The following NEB variants were observed in gnomAD, a reference collection of about 807,000 sequenced individuals.
NEB encodes nemaline myopathy type 2.
A neutral mutation model predicts 952.2 loss-of-function variants in NEB; 512 were observed. The observed-to-expected ratio is 0.54, with a 90% CI of 0.50 to 0.58. The LOEUF is 0.58. Ranked by LOEUF, NEB falls within the 20% of genes least tolerant of loss-of-function variation. The probability of loss-of-function intolerance (pLI) is 0.00; values close to 1 mark genes in which losing one functional copy is unlikely to be tolerated. For synonymous variants in NEB, 2,900 were observed against 3,149.8 expected (o/e 0.92, Z 2.66); for missense variants, 8,428 against 9,231.1 (o/e 0.91, Z 3.56).
At chr2:151,499,423 A>G in intron 168 of NEB, 33 bp from the exon 169 acceptor site, 1 of 1,289,402 alleles carries the variant, frequency 7.8e-7, no homozygotes, top group Non-Finnish European at 1.1e-6. Context: ...CAGAAAAAAC[A>G]AGAGCAGTCA....
At chr2:151,553,790 G>A (rs181093863) in intron 126 of NEB, 38 bp downstream of exon 126, 29 of 1,556,944 alleles carry the variant, frequency 1.9e-5, no homozygotes, top group Admixed American at 3.6e-5. Context: ...GCCGTGGGGC[G>A]GGGCCGTGGA....
In NEB at chr2:151,617,349, C is replaced by A. The variant is rs1309711029; in HGVS notation, c.11181+15G>T. On this transcript the variant is annotated intron_variant, in intron 75 of 181. Coordinates refer to ENST00000397345, the MANE Select transcript of NEB (RefSeq NM_001164508.2). ...TTTGCCTTTCTGTTCATTACAAGAT[C>A]AACAGTTTACTTACATCACTGTAGT... is the stretch of plus-strand genomic sequence containing the variant. 1 of 1,510,664 alleles carries A rather than the reference C, an allele frequency of 6.6e-7. No individual in the cohort carries two copies. Among genetic ancestry groups the A allele is most frequent in the African/African-American group, 1.4e-5 (1 of 72,216 alleles). 93.6% of individuals were successfully genotyped at this position (1,510,664 alleles called of 1,614,324 possible).
intron 181 of NEB, among the ~76,000 whole-genome samples, chr2:151,487,186 T>C (rs1300413092): frequency 1.3e-5 from 2 of 152,210 alleles, no homozygotes; most frequent in Non-Finnish European, 2.9e-5. Flanking sequence ...CGTAGCACTA[T>C]TGCATGTCAT....
chr2:151,540,284 T>C (rs1292755252), intron 138 of NEB, 60 bp downstream of exon 138: 11 of 982,886 alleles, frequency 1.1e-5, no homozygotes, highest in Non-Finnish European at 1.7e-5. Context: ...TTATGTTTCT[T>C]AGGTACTTCA....
rs1284970605 is a variant in NEB at position 151,609,996 on chromosome 2, T to C, written c.12143A>G (p.Lys4048Arg). The C allele has an allele frequency of 4.3e-5, 70 of 1,613,850 alleles. No homozygotes were observed. The highest frequency in any genetic ancestry group is 5.2e-5 in the Non-Finnish European group (61 of 1,179,882). Reference protein sequence around the residue: ...AGKIQSEREYKKEFQKWKTKF... With the variant: ...AGKIQSEREYRKEFQKWKTKF... ...GGTTTTCCACTTTTGGAATTCCTTC[T>C]TGTACTCCCTTTCACTTTGAATTTT... The change falls in exon 81 of 182, where the codon AAG becomes AGG. Residue 4048 changes from lysine (K) to arginine (R), a missense_variant. By Grantham distance (26) the Lys-to-Arg change is conservative. Transcript: ENST00000397345.
chr2:151,690,975 C>G (rs543800943), intron 23 of NEB, 150 bp from the exon 24 acceptor site: 48 of 569,340 alleles, frequency 8.4e-5, no homozygotes, highest in African/African-American at 2.7e-4. Flanking sequence ...CTGTCTGTCT[C>G]TCTCTCTCTC....
At chr2:151,519,257 A>G (rs1243064635) in intron 154 of NEB, among the ~76,000 whole-genome samples, 188 bp from the exon 155 acceptor site, 1 of 152,186 alleles carries the variant, frequency 6.6e-6, no homozygotes, top group African/African-American at 2.4e-5. Flanking sequence ...GGATAAACAA[A>G]ATGTGGCATA....
At chr2:151,628,179 T>C (rs1348968436) in intron 68 of NEB, among the ~76,000 whole-genome samples, 1 of 152,216 alleles carries the variant, frequency 6.6e-6, no homozygotes, top group Non-Finnish European at 1.5e-5. Flanking sequence ...TACTGTGTAC[T>C]GCCATTTCTT....
intron 161 of NEB, among the ~76,000 whole-genome samples, chr2:151,508,888 A>ATGAT (rs906820551): frequency 6.6e-5 from 10 of 152,306 alleles, no homozygotes; most frequent in African/African-American, 1.9e-4. Flanking sequence ...CACCAAACTG[A>ATGAT]TGATTGTTTT....
intron 124 of NEB, among the ~76,000 whole-genome samples, chr2:151,556,274 G>C (rs547920691): frequency 5.3e-5 from 8 of 152,090 alleles, no homozygotes; most frequent in Non-Finnish European, 4.4e-5. Flanking sequence ...TAAATGAGTA[G>C]AACAGAATGG....
chr2:151,535,327 G>C (rs905090193), intron 142 of NEB, among the ~76,000 whole-genome samples: 4 of 151,902 alleles, frequency 2.6e-5, no homozygotes, highest in African/African-American at 9.7e-5. Context: ...TTGAACTTCT[G>C]TGTCTTCCAA....
intron 175 of NEB, 33 bp from the exon 176 acceptor site, chr2:151,493,478 ACAG>A: frequency 7.1e-7 from 1 of 1,415,414 alleles, no homozygotes; most frequent in Non-Finnish European, 9.7e-7. Context: ...TAGGCATCAG[ACAG>A]CAGAAAACCA....
Position 151,697,459 on chromosome 2 carries a change from T to C in NEB, c.1258-2A>G, listed in dbSNP as rs1553608621. On this transcript the variant is annotated splice_acceptor_variant, in intron 14 of 181. Transcript: ENST00000397345. LOFTEE classifies it high-confidence loss of function. The stretch of plus-strand genomic sequence containing the variant: ...TAAGTAGGAATCTTTATATTTTTTC[T>C]GCAAGACAAAACATACTTCATTTAT... 6.2e-7 allele frequency: 1 copy of C among 1,611,586 alleles called. No homozygotes were observed. The highest frequency in any genetic ancestry group is 1.7e-5 in the Admixed American group (1 of 59,842).
intron 71 of NEB, among the ~76,000 whole-genome samples, chr2:151,624,853 G>T (rs1020955491): frequency 6.6e-6 from 1 of 152,128 alleles, no homozygotes; most frequent in African/African-American, 2.4e-5. Flanking sequence ...AGTATTTCTG[G>T]ACTGCAAAGA....
chr2:151,499,297 C>A lies in NEB; in HGVS notation c.24114+1G>T. The A allele has an allele frequency of 6.9e-7, 1 of 1,448,546 alleles. No homozygotes were observed. The highest frequency in any genetic ancestry group is 9.3e-7 in the Non-Finnish European group (1 of 1,071,532). 89.7% of individuals were successfully genotyped at this position (1,448,546 alleles called of 1,614,324 possible). ...TAAAGGGATTTTTTATTTTTAAATACCGAACTAAAGTTTTCTTGATTGTGT... is the reference window on the plus strand; with the variant it reads ...TAAAGGGATTTTTTATTTTTAAATAACGAACTAAAGTTTTCTTGATTGTGT... On this transcript the variant is annotated splice_donor_variant, in intron 169 of 181. Transcript: ENST00000397345. LOFTEE classifies it high-confidence loss of function.
chr2:151,696,815 C>T lies in NEB; in HGVS notation c.1471-80G>A, dbSNP rs567964368. On this transcript the variant is annotated intron_variant, in intron 16 of 181. Transcript: ENST00000397345. ...GGCCCACAGGCCAAGCAAATAGAAC[C>T]TCATGCCCCACAAAGCAATGAAACT... is the stretch of plus-strand genomic sequence containing the variant. 156 of 975,224 alleles carry T rather than the reference C, an allele frequency of 1.6e-4. 3 individuals are homozygous for T. The East Asian group carries it at 3.7e-3, about 23-fold the overall frequency. 60.4% of individuals were successfully genotyped at this position (975,224 alleles called of 1,614,324 possible). A position where few individuals can be genotyped will look rare whatever the true frequency, so the allele number is the denominator to read the frequency against.
intron 10 of NEB, among the ~76,000 whole-genome samples, chr2:151,713,137 T>A (rs2099749754): frequency 6.6e-6 from 1 of 152,086 alleles, no homozygotes; most frequent in Admixed American, 6.5e-5. Flanking sequence ...GGGACTTCCA[T>A]GGGGCCACAA....
At chr2:151,724,159 G>A in intron 8 of NEB, 101 bp downstream of exon 8, 1 of 924,182 alleles carries the variant, frequency 1.1e-6, no homozygotes, top group South Asian at 1.6e-5. Context: ...AAAAAGATTG[G>A]GGAATTGTAT....
At chr2:151,669,215 G>A in intron 38 of NEB, 84 bp from the exon 39 acceptor site, 4 of 968,324 alleles carry the variant, frequency 4.1e-6, no homozygotes, top group Non-Finnish European at 6.3e-6. Context: ...TAAAACGGAA[G>A]GCTATCATTT....
Sources: gnomAD v4.1 joint callset for allele counts (sites outside exome capture counted in the v4.1 genomes callset) on GRCh38, gnomAD v4.1.1 for gene constraint, MANE v1.5 for transcripts, NCBI Gene and HGNC (gene_info 2026-07-23, HGNC 2026-07-21) for gene names.